Variants in EBF2 observed in about 807,000 individuals in gnomAD.
The protein encoded by EBF2 is EBF transcription factor 2.
In EBF2, 21 loss-of-function variants were observed where a neutral mutation model predicts 72.8. The observed-to-expected ratio is 0.29, with a 90% confidence interval of 0.20 to 0.42. EBF2 has a LOEUF of 0.42. EBF2 is among the 10% of genes least tolerant of loss of function. The pLI is 1.00. For missense variants in EBF2, 637 were observed against 731.2 expected, an observed-to-expected ratio of 0.87 and a Z score of 1.49; for synonymous variants, 299 against 274.2, an observed-to-expected ratio of 1.09 and a Z score of -0.89.
intron 6 of EBF2, among the ~76,000 whole-genome samples, chr8:25,920,510 A>G (rs1803289859): frequency 6.6e-6 from 1 of 152,092 alleles, no homozygotes; most frequent in African/African-American, 2.4e-5. Context: ...TTGTTTGGCT[A>G]TTTTCTTCAG....
intron 1 of EBF2, among the ~76,000 whole-genome samples, chr8:26,042,580 C>G (rs541584665): frequency 6.6e-6 from 1 of 152,294 alleles, no homozygotes; most frequent in East Asian, 1.9e-4. Flanking sequence ...GAGTGGTCCC[C>G]TAAGGAGGTG....
chr8:25,845,551 A>G (rs1801815672), intron 15 of EBF2, among the ~76,000 whole-genome samples: 1 of 152,194 alleles, frequency 6.6e-6, no homozygotes. Context: ...TCATCACCCT[A>G]TATGAATGGA....
intron 7 of EBF2, among the ~76,000 whole-genome samples, chr8:25,906,942 A>G (rs923195932): frequency 1.3e-5 from 2 of 151,530 alleles, no homozygotes; most frequent in African/African-American, 4.8e-5. Flanking sequence ...AAATACTACT[A>G]CTAGTTTTTT....
rs77135330 is a variant in EBF2, at chr8:26,020,214, C to G, written c.551+12871G>C. Among the ~76,000 whole-genome samples the G allele has an allele frequency of 1.8e-3, 269 of 152,280 alleles. 1 individual carries two copies. Among genetic ancestry groups the G allele is most frequent in the Middle Eastern group, 0.014 (4 of 294 alleles). On this transcript the variant is annotated intron_variant, in intron 6 of 15. Transcript: ENST00000520164. ...AGAAAATTACTGCTTCCTGTCATGA[C>G]CAAATATTAAACACAGTGCACACCT...
chr8:25,974,571 A>G (rs1039547029), intron 6 of EBF2, among the ~76,000 whole-genome samples: 7 of 152,232 alleles, frequency 4.6e-5, no homozygotes, highest in African/African-American at 1.7e-4. Flanking sequence ...GGTGTGGACT[A>G]AACAAAAAAC....
At chr8:25,887,557 T>C (rs1802711900) in intron 9 of EBF2, among the ~76,000 whole-genome samples, 1 of 152,226 alleles carries the variant, frequency 6.6e-6, no homozygotes, top group African/African-American at 2.4e-5. Context: ...TTGTTTTTTT[T>C]CTGCTTAGTA....
chr8:25,898,195 G>A (rs1039472671), intron 7 of EBF2, among the ~76,000 whole-genome samples: 1 of 152,198 alleles, frequency 6.6e-6, no homozygotes, highest in African/African-American at 2.4e-5. Context: ...GGAAGAATCA[G>A]CATAAATTGA....
intron 13 of EBF2, among the ~76,000 whole-genome samples, chr8:25,860,756 A>G (rs1347374168): frequency 6.6e-6 from 1 of 152,096 alleles, no homozygotes; most frequent in African/African-American, 2.4e-5. Flanking sequence ...GGCTCAAGCA[A>G]TCTACCTGCC....
At chr8:25,964,999 T>C (rs757805101) in intron 6 of EBF2, among the ~76,000 whole-genome samples, 1 of 152,230 alleles carries the variant, frequency 6.6e-6, no homozygotes, top group African/African-American at 2.4e-5. Context: ...GATGGAGCTA[T>C]GATATCTAGA....
chr8:25,979,581 A>G (rs1044184716), intron 6 of EBF2, among the ~76,000 whole-genome samples: 3 of 152,216 alleles, frequency 2.0e-5, no homozygotes, highest in Non-Finnish European at 4.4e-5. Context: ...TTACAAATTG[A>G]CCTTCTCTCT....
intron 6 of EBF2, among the ~76,000 whole-genome samples, chr8:26,027,097 G>A (rs1805313276): frequency 6.6e-6 from 1 of 152,142 alleles, no homozygotes; most frequent in Non-Finnish European, 1.5e-5. Context: ...GGAGGTAATG[G>A]TCACCTTGCA....
At chr8:25,866,150 T>C (rs1345849027) in intron 10 of EBF2, among the ~76,000 whole-genome samples, 3 of 152,038 alleles carry the variant, frequency 2.0e-5, no homozygotes, top group South Asian at 2.1e-4. Context: ...GTGATCATTT[T>C]GTCTCCTTTT....
intron 15 of EBF2, among the ~76,000 whole-genome samples, chr8:25,848,951 C>T (rs993819996): frequency 1.3e-5 from 2 of 152,156 alleles, no homozygotes; most frequent in Non-Finnish European, 2.9e-5. Context: ...ATTCAGCAAT[C>T]GTTTTCATTT....
intron 7 of EBF2, among the ~76,000 whole-genome samples, chr8:25,897,657 G>T (rs1802881497): frequency 6.6e-6 from 1 of 152,156 alleles, no homozygotes; most frequent in African/African-American, 2.4e-5. Flanking sequence ...TAGGATCATG[G>T]CCTCCAGCTG....
chr8:25,862,170 A>G (rs1255475940), intron 11 of EBF2, among the ~76,000 whole-genome samples: 1 of 152,244 alleles, frequency 6.6e-6, no homozygotes, highest in African/African-American at 2.4e-5. Context: ...CTGAATGACA[A>G]CTAATAAATT....
intron 6 of EBF2, among the ~76,000 whole-genome samples, chr8:25,919,920 C>T (rs11135903): frequency 0.54 from 81,951 of 152,072 alleles, 24,466 homozygotes; most frequent in East Asian, 0.74. Context: ...TTAAGCAATG[C>T]TATTACTTGG....
chr8:25,961,155 A>C (rs993363483), intron 6 of EBF2, among the ~76,000 whole-genome samples: 1 of 152,156 alleles, frequency 6.6e-6, no homozygotes, highest in Non-Finnish European at 1.5e-5. Context: ...AACCAAAAAG[A>C]CAGTGTGTGA....
intron 7 of EBF2, among the ~76,000 whole-genome samples, chr8:25,908,073 AAT>A (rs1803068866): frequency 6.6e-6 from 1 of 152,156 alleles, no homozygotes; most frequent in African/African-American, 2.4e-5. Flanking sequence ...GCGACCACTG[AAT>A]AGTTAATCGG....
chr8:25,983,048 C>A (rs1028849682), intron 6 of EBF2, among the ~76,000 whole-genome samples: 1 of 152,092 alleles, frequency 6.6e-6, no homozygotes, highest in African/African-American at 2.4e-5. Flanking sequence ...ACTTAGCTAA[C>A]CTCCAGTGGA....
Sources: gnomAD v4.1 joint callset for allele counts (sites outside exome capture counted in the v4.1 genomes callset) on GRCh38, gnomAD v4.1.1 for gene constraint, MANE v1.5 for transcripts, NCBI Gene and HGNC (gene_info 2026-07-23, HGNC 2026-07-21) for gene names.